The following GNA14 variants were observed in gnomAD, a reference collection of about 807,000 sequenced individuals.
The protein encoded by GNA14 is guanine nucleotide-binding protein subunit alpha-14.
GNA14 carries 50 observed loss-of-function variants against 42.0 expected under a neutral mutation model. The ratio of observed to expected loss-of-function variants is 1.19; its 90% CI spans 0.95 to 1.51. GNA14 has a LOEUF of 1.51. Ranked by LOEUF, GNA14 falls within the 40% of genes most tolerant of loss-of-function variation. GNA14 has a pLI of 0.00. For missense variants in GNA14, 473 were observed against 446.2 expected (o/e 1.06, Z -0.54); for synonymous variants, 173 against 163.1 (o/e 1.06, Z -0.46).
chr9:77,437,037 G>A (rs1159321037), intron 2 of GNA14, among the ~76,000 whole-genome samples: 1 of 150,428 alleles, frequency 6.6e-6, no homozygotes, highest in Admixed American at 6.6e-5. Flanking sequence ...TTGGGCCCTG[G>A]TGGCCCTCAG....
rs1292348445 is a variant in GNA14 at position 77,645,575 on chromosome 9, A to G, written c.124+2095T>C. Among the ~76,000 whole-genome samples the G allele has an allele frequency of 3.9e-5, 6 of 152,230 alleles. No individual in the cohort carries two copies. In the East Asian group the frequency reaches 5.8e-4, roughly 15 times the overall value. ...TTTCCAGAGGTCAGACAGTGCCTCAAGGTGGTAGGAGGAGGGTTGGAGCAA... is the reference window on the plus strand; with the variant it reads ...TTTCCAGAGGTCAGACAGTGCCTCAGGGTGGTAGGAGGAGGGTTGGAGCAA... On this transcript the variant is annotated intron_variant, in intron 1 of 6. Transcript: ENST00000341700.
chr9:77,574,834 G>C (rs367788511), intron 1 of GNA14, among the ~76,000 whole-genome samples: 1 of 152,172 alleles, frequency 6.6e-6, no homozygotes, highest in Admixed American at 6.6e-5. Context: ...GAGAAACAGG[G>C]GAGTCTTATG....
chr9:77,439,134 C>A (rs1187078820), intron 2 of GNA14, among the ~76,000 whole-genome samples: 1 of 152,158 alleles, frequency 6.6e-6, no homozygotes, highest in Non-Finnish European at 1.5e-5. Context: ...CAGCAAGGGT[C>A]TGTTCTTTAG....
intron 1 of GNA14, among the ~76,000 whole-genome samples, chr9:77,618,620 ATTTTTTTTTT>A (rs1163590134): frequency 3.8e-4 from 4 of 10,420 alleles, no homozygotes; most frequent in Non-Finnish European, 4.4e-4. Flanking sequence ...ATATATATAT[ATTTTTTTTTT>A]TTTTTTTTTT....
chr9:77,572,472 A>G (rs1005571254), intron 1 of GNA14, among the ~76,000 whole-genome samples: 2 of 152,234 alleles, frequency 1.3e-5, no homozygotes, highest in African/African-American at 4.8e-5. Context: ...TAGAATACAT[A>G]AAAAGACACA....
At chr9:77,481,027 G>A (rs1210232178) in intron 2 of GNA14, among the ~76,000 whole-genome samples, 1 of 151,870 alleles carries the variant, frequency 6.6e-6, no homozygotes, top group Non-Finnish European at 1.5e-5. Flanking sequence ...TTTTTGAAGG[G>A]TTTTTTGTGT....
At chr9:77,569,386 G>C (rs1301130396) in intron 1 of GNA14, among the ~76,000 whole-genome samples, 1 of 152,150 alleles carries the variant, frequency 6.6e-6, no homozygotes, top group African/African-American at 2.4e-5. Flanking sequence ...AAATACTGCT[G>C]GATGTGCTGC....
chr9:77,644,437 CAAAAAAAA>C (rs764737417), intron 1 of GNA14, among the ~76,000 whole-genome samples: 220 of 34,032 alleles, frequency 6.5e-3, no homozygotes, highest in Non-Finnish European at 9.1e-3. Flanking sequence ...TAAAGAGTGT[CAAAAAAAA>C]AAAAAAAAAA....
chr9:77,617,882 A>G (rs1475979856), intron 1 of GNA14, among the ~76,000 whole-genome samples: 1 of 151,764 alleles, frequency 6.6e-6, no homozygotes, highest in South Asian at 2.1e-4. Context: ...TCTCCCCTCC[A>G]TTGTCACCCT....
chr9:77,454,058 C>T (rs1196383795), intron 2 of GNA14, among the ~76,000 whole-genome samples: 1 of 152,234 alleles, frequency 6.6e-6, no homozygotes, highest in Non-Finnish European at 1.5e-5. Flanking sequence ...TCCTCGCCCG[C>T]TCCGTGCAGC....
At chr9:77,545,762 C>T (rs1837711685) in intron 1 of GNA14, among the ~76,000 whole-genome samples, 2 of 152,132 alleles carry the variant, frequency 1.3e-5, no homozygotes, top group Admixed American at 6.5e-5. Flanking sequence ...AGAAGAAGGT[C>T]TCATTCTCTT....
chr9:77,564,525 A>G (rs1019172131), intron 1 of GNA14, among the ~76,000 whole-genome samples: 2 of 152,162 alleles, frequency 1.3e-5, no homozygotes, highest in African/African-American at 4.8e-5. Context: ...ATTTCTTTTT[A>G]TTTAAAAAGT....
rs540312780 is a variant in GNA14 at position 77,540,833 on chromosome 9, G to C, written c.125-11580C>G. On this transcript the variant is annotated intron_variant, in intron 1 of 6. Transcript: ENST00000341700. ...ATCTTTTTCTATCCCTTTATTGTGA[G>C]TTTATGTGTATCTTTGCAAGTAAAG... is the stretch of plus-strand genomic sequence containing the variant. 1.6e-4 allele frequency among the ~76,000 whole-genome samples: 24 copies of C among 152,148 alleles called. No homozygotes were observed. In the South Asian group the frequency reaches 5.0e-3, roughly 32 times the overall value.
intron 2 of GNA14, among the ~76,000 whole-genome samples, chr9:77,439,613 A>C (rs1453108029): frequency 6.6e-6 from 1 of 152,208 alleles, no homozygotes; most frequent in Non-Finnish European, 1.5e-5. Flanking sequence ...CTTCGGCCTG[A>C]GTGAAAGAGT....
chr9:77,463,776 TG>T (rs1836160809), intron 2 of GNA14, among the ~76,000 whole-genome samples: 1 of 138,314 alleles, frequency 7.2e-6, no homozygotes, highest in Non-Finnish European at 1.5e-5. Flanking sequence ...CAGGAAATAT[TG>T]GGATAGGAGA....
intron 2 of GNA14, among the ~76,000 whole-genome samples, chr9:77,508,163 C>A (rs1234455538): frequency 1.3e-5 from 2 of 152,206 alleles, no homozygotes; most frequent in Admixed American, 1.3e-4. Context: ...TCACTACTTC[C>A]ACCATTGCCT....
At chr9:77,476,404 G>C (rs751581245) in intron 2 of GNA14, among the ~76,000 whole-genome samples, 1 of 152,198 alleles carries the variant, frequency 6.6e-6, no homozygotes, top group Non-Finnish European at 1.5e-5. Context: ...GAGCACAGCA[G>C]AGCAGCTGGC....
chr9:77,647,949 G>A lies in GNA14; in HGVS notation c.-156C>T. ...TTTGGAGTAAGACGCCTGGACCTCC[G>A]AGGCTCAATCCCCCTTCGAAAGTCG... is the stretch of plus-strand genomic sequence containing the variant. On this transcript the variant is annotated 5_prime_UTR_variant, in exon 1 of 7. Coordinates refer to ENST00000341700, the MANE Select transcript of GNA14 (RefSeq NM_004297.4). 1 of 813,712 alleles carries A rather than the reference G, an allele frequency of 1.2e-6. No homozygotes were observed. Among genetic ancestry groups the A allele is most frequent in the Non-Finnish European group, 1.9e-6 (1 of 530,274 alleles). 50.4% of individuals were successfully genotyped at this position (813,712 alleles called of 1,614,324 possible).
chr9:77,469,126 C>T (rs941547881), intron 2 of GNA14, among the ~76,000 whole-genome samples: 1 of 152,088 alleles, frequency 6.6e-6, no homozygotes, highest in African/African-American at 2.4e-5. Context: ...CTCATTTCCT[C>T]TTTTATAATA....
Sources: gnomAD v4.1 joint callset for allele counts (sites outside exome capture counted in the v4.1 genomes callset) on GRCh38, gnomAD v4.1.1 for gene constraint, MANE v1.5 for transcripts, NCBI Gene and HGNC (gene_info 2026-07-23, HGNC 2026-07-21) for gene names.